The following DTL variants were observed in gnomAD, a reference collection of about 807,000 sequenced individuals.
DTL encodes denticleless E3 ubiquitin protein ligase adapter, also known as denticleless protein homolog.
In DTL, 46 loss-of-function variants were observed where a neutral mutation model predicts 87.0. That is an observed-to-expected ratio of 0.53 (90% confidence interval 0.42 to 0.68). The LOEUF (loss-of-function observed/expected upper bound fraction) is 0.68, where lower values mean the gene tolerates loss of function less well. Among genes scored for constraint, DTL ranks in the 30% least tolerant of loss-of-function variants. The probability of loss-of-function intolerance (pLI) is 0.00; values close to 1 mark genes in which losing one functional copy is unlikely to be tolerated. For synonymous variants in DTL, 308 were observed against 311.2 expected (o/e 0.99, Z 0.11); for missense variants, 737 against 869.4 (o/e 0.85, Z 1.91).
intron 5 of DTL, among the ~76,000 whole-genome samples, chr1:212,049,171 C>T (rs1384697518): frequency 6.6e-6 from 1 of 152,212 alleles, no homozygotes; most frequent in East Asian, 1.9e-4. Context: ...GATCTGCCCG[C>T]ATTGGCTTCC....
At chr1:212,062,737 A>T in intron 5 of DTL, 147 bp from the exon 6 acceptor site, 1 of 581,550 alleles carries the variant, frequency 1.7e-6, no homozygotes, top group Non-Finnish European at 3.0e-6. Context: ...CCTATTTGTT[A>T]TTGAGCCATA....
At chr1:212,059,323 G>A (rs1369921323) in intron 5 of DTL, among the ~76,000 whole-genome samples, 2 of 150,456 alleles carry the variant, frequency 1.3e-5, no homozygotes, top group Non-Finnish European at 3.0e-5. Flanking sequence ...AATACACCAT[G>A]ATCAAGTGGG....
Position 212,041,768 on chromosome 1 carries a change from C to T in DTL, c.53-1225C>T, listed in dbSNP as rs189688153. Among the ~76,000 whole-genome samples, 32 of 152,278 alleles carry T rather than the reference C, an allele frequency of 2.1e-4. No homozygotes were observed. In the East Asian group the frequency reaches 5.8e-3, roughly 28 times the overall value. On this transcript the variant is annotated intron_variant, in intron 1 of 14. Transcript: ENST00000366991. Reference sequence around the variant, plus strand: ...CTCGTGGTCCGCCTGCCTCTGCCTCCCGAAGTGCTGGGATTACAGGTGTGA... The same window carrying T: ...CTCGTGGTCCGCCTGCCTCTGCCTCTCGAAGTGCTGGGATTACAGGTGTGA...
chr1:212,078,822 A>G (rs996633336), intron 12 of DTL, among the ~76,000 whole-genome samples: 1 of 152,160 alleles, frequency 6.6e-6, no homozygotes, highest in African/African-American at 2.4e-5. Context: ...AAACAAAAAA[A>G]CCCTAAAATG....
At chr1:212,083,622 A>G (rs1655046280) in intron 13 of DTL, among the ~76,000 whole-genome samples, 1 of 152,248 alleles carries the variant, frequency 6.6e-6, no homozygotes, top group African/African-American at 2.4e-5. Flanking sequence ...ACAAGATTAT[A>G]GAAGAAGGAG....
intron 3 of DTL, 84 bp from the exon 4 acceptor site, chr1:212,047,067 C>A: frequency 8.0e-7 from 1 of 1,252,798 alleles, no homozygotes; most frequent in Non-Finnish European, 1.2e-6. Context: ...ACTACTACAG[C>A]TTTCCAGGCA....
At chr1:212,075,484 G>C (rs955344798) in intron 11 of DTL, among the ~76,000 whole-genome samples, 1 of 152,024 alleles carries the variant, frequency 6.6e-6, no homozygotes, top group African/African-American at 2.4e-5. Flanking sequence ...AATTATGATA[G>C]TGTTCTTATA....
chr1:212,043,682 C>A (rs913326952), intron 2 of DTL, among the ~76,000 whole-genome samples: 1 of 151,822 alleles, frequency 6.6e-6, no homozygotes, highest in East Asian at 1.9e-4. Context: ...TGCAAAAAAT[C>A]AGCTGGGCGT....
At position 212,101,098 on chromosome 1, in the gene DTL, G is replaced by A. The variant is rs1655612086; in HGVS notation, c.2094+14G>A. On this transcript the variant is annotated intron_variant, in intron 14 of 14. Coordinates refer to ENST00000366991, the MANE Select transcript of DTL (RefSeq NM_016448.4). ...TTGCCAAGCCCGGTAAGTCAGCAGT[G>A]GTGGGAAGATACATTTCCTAACTTA... 1 of 1,563,430 alleles carries A rather than the reference G, an allele frequency of 6.4e-7. No individual in the cohort carries two copies. Among genetic ancestry groups the A allele is most frequent in the African/African-American group, 1.4e-5 (1 of 73,046 alleles).
chr1:212,076,988 G>A (rs1282122297), intron 11 of DTL, among the ~76,000 whole-genome samples: 1 of 152,154 alleles, frequency 6.6e-6, no homozygotes, highest in Non-Finnish European at 1.5e-5. Context: ...CAAGAGAGGA[G>A]TATTAATGAT....
At position 212,041,516 on chromosome 1, in the gene DTL, G is replaced by T. The variant is rs375130588; in HGVS notation, c.53-1477G>T. Among the ~76,000 whole-genome samples the T allele has an allele frequency of 2.6e-5, 3 of 117,014 alleles. No individual in the cohort carries two copies. The East Asian group carries it at 9.3e-4, about 36-fold the overall frequency. 76.8% of individuals were successfully genotyped at this position (117,014 alleles called of 152,430 possible). On this transcript the variant is annotated intron_variant, in intron 1 of 14. Transcript: ENST00000366991. ...ACTATTGCATTTTTGGCGGGGGGGT[G>T]GGGGGTGGGGACGGAGTGTCGCTGT...
chr1:212,051,008 C>T (rs1341505488), intron 5 of DTL, among the ~76,000 whole-genome samples: 1 of 152,038 alleles, frequency 6.6e-6, no homozygotes, highest in East Asian at 1.9e-4. Flanking sequence ...CTCTGGTACT[C>T]CTTCTGTCCT....
chr1:212,060,874 CAA>C (rs1654271687), intron 5 of DTL, among the ~76,000 whole-genome samples: 1 of 152,032 alleles, frequency 6.6e-6, no homozygotes, highest in South Asian at 2.1e-4. Context: ...GCCAAGAACT[CAA>C]AAGCACAGAC....
At chr1:212,087,757 A>G (rs933738160) in intron 13 of DTL, among the ~76,000 whole-genome samples, 1 of 152,132 alleles carries the variant, frequency 6.6e-6, no homozygotes, top group Admixed American at 6.5e-5. Context: ...TGCTGCTTCT[A>G]ATCACATTGC....
intron 13 of DTL, among the ~76,000 whole-genome samples, chr1:212,098,907 T>A (rs989448239): frequency 6.6e-6 from 1 of 152,118 alleles, no homozygotes; most frequent in African/African-American, 2.4e-5. Flanking sequence ...CACTTCCTAT[T>A]TGTCCCATCC....
rs1654374629 is a variant in DTL at position 212,062,869 on chromosome 1, T to G, written c.461-15T>G. The G allele has an allele frequency of 6.2e-7, 1 of 1,610,236 alleles. No individual in the cohort carries two copies. Among genetic ancestry groups the G allele is most frequent in the African/African-American group, 1.3e-5 (1 of 74,862 alleles). Reference sequence around the variant, plus strand: ...GTTTTGTTAACCTCTTAATAATCTGTTTATTTCCCCACAGCTGTATTCTGT... The same window carrying G: ...GTTTTGTTAACCTCTTAATAATCTGGTTATTTCCCCACAGCTGTATTCTGT... On this transcript the variant is annotated splice_polypyrimidine_tract_variant and intron_variant, in intron 5 of 14. Coordinates refer to ENST00000366991, the MANE Select transcript of DTL (RefSeq NM_016448.4).
intron 13 of DTL, among the ~76,000 whole-genome samples, chr1:212,094,777 T>C (rs1655395198): frequency 6.6e-6 from 1 of 152,244 alleles, no homozygotes; most frequent in African/African-American, 2.4e-5. Flanking sequence ...CTGATTTCTT[T>C]TAGCAGTGTT....
chr1:212,063,075 T>G (rs912078985), intron 6 of DTL, 126 bp downstream of exon 6: 2 of 705,452 alleles, frequency 2.8e-6, no homozygotes, highest in African/African-American at 3.5e-5. Flanking sequence ...CCATTTCTGC[T>G]CACTGTTCCA....
intron 5 of DTL, among the ~76,000 whole-genome samples, chr1:212,055,084 C>T (rs1199750687): frequency 2.0e-5 from 3 of 152,116 alleles, no homozygotes; most frequent in Non-Finnish European, 4.4e-5. Context: ...ACAGTGAGAT[C>T]GTAGATAATC....
Sources: gnomAD v4.1 joint callset for allele counts (sites outside exome capture counted in the v4.1 genomes callset) on GRCh38, gnomAD v4.1.1 for gene constraint, MANE v1.5 for transcripts, NCBI Gene and HGNC (gene_info 2026-07-23, HGNC 2026-07-21) for gene names.